Variants in KCNH1 observed in about 807,000 individuals in gnomAD.
The protein encoded by KCNH1 is voltage-gated delayed rectifier potassium channel KCNH1.
A neutral mutation model predicts 69.2 loss-of-function variants in KCNH1; 27 were observed. That is an observed-to-expected ratio of 0.39 (90% CI 0.29 to 0.54). The LOEUF (loss-of-function observed/expected upper bound fraction) is 0.54. Ranked by LOEUF, KCNH1 falls within the 20% of genes least tolerant of loss-of-function variation. KCNH1 has a pLI of 0.68. For missense variants in KCNH1, 798 were observed against 1,261.6 expected (o/e 0.63, Z 5.57); for synonymous variants, 456 against 487.7 (o/e 0.93, Z 0.86).
At chr1:210,942,267 G>T (rs1386208960) in intron 6 of KCNH1, among the ~76,000 whole-genome samples, 1 of 152,144 alleles carries the variant, frequency 6.6e-6, no homozygotes. Flanking sequence ...AGGCCACCAA[G>T]AGGAGTCTCA....
chr1:211,131,225 G>A (rs759293347), intron 1 of KCNH1, among the ~76,000 whole-genome samples: 7 of 151,588 alleles, frequency 4.6e-5, no homozygotes, highest in African/African-American at 9.7e-5. Flanking sequence ...ATGATATTCC[G>A]GGCATCAGAT....
At chr1:210,971,716 A>AT (rs927202810) in intron 6 of KCNH1, among the ~76,000 whole-genome samples, 27 of 132,796 alleles carry the variant, frequency 2.0e-4, no homozygotes, top group African/African-American at 6.9e-4. Context: ...CTAAAAGGAC[A>AT]TTTTTTCCTT....
chr1:210,999,045 C>A (rs185981940), intron 6 of KCNH1, among the ~76,000 whole-genome samples: 3 of 152,234 alleles, frequency 2.0e-5, no homozygotes, highest in Admixed American at 2.0e-4. Context: ...GCACTACATG[C>A]CCACAAGAGA....
intron 6 of KCNH1, among the ~76,000 whole-genome samples, chr1:210,956,809 C>CT (rs1390381784): frequency 4.6e-5 from 7 of 151,884 alleles, no homozygotes; most frequent in Admixed American, 1.3e-4. Flanking sequence ...CTCTTTTCTT[C>CT]TTTATTAGTC....
At chr1:210,737,047 G>A (rs1682897715) in intron 10 of KCNH1, among the ~76,000 whole-genome samples, 1 of 152,180 alleles carries the variant, frequency 6.6e-6, no homozygotes, top group Non-Finnish European at 1.5e-5. Context: ...AAGCAAAGAA[G>A]GAAAGGCAGT....
At chr1:211,049,660 G>C (rs1171799904) in intron 5 of KCNH1, among the ~76,000 whole-genome samples, 1 of 152,190 alleles carries the variant, frequency 6.6e-6, no homozygotes, top group East Asian at 1.9e-4. Flanking sequence ...GCAGTGTGGA[G>C]GAGGGCCTGG....
At chr1:210,969,305 TTCTC>T (rs1238061829) in intron 6 of KCNH1, among the ~76,000 whole-genome samples, 2 of 152,042 alleles carry the variant, frequency 1.3e-5, no homozygotes, top group African/African-American at 2.4e-5. Context: ...TATTCCTTCT[TTCTC>T]TATTACCTGA....
chr1:210,964,991 C>CA (rs1688371152), intron 6 of KCNH1, among the ~76,000 whole-genome samples: 1 of 152,142 alleles, frequency 6.6e-6, no homozygotes, highest in South Asian at 2.1e-4. Flanking sequence ...GAACCAATGA[C>CA]AAAAACCACA....
At chr1:210,876,579 C>T (rs1686379799) in intron 7 of KCNH1, among the ~76,000 whole-genome samples, 1 of 152,132 alleles carries the variant, frequency 6.6e-6, no homozygotes, top group Non-Finnish European at 1.5e-5. Flanking sequence ...ATTTTAAATG[C>T]TCTTCTCCCT....
chr1:210,954,757 T>G (rs1235684330), intron 6 of KCNH1, among the ~76,000 whole-genome samples: 3 of 152,180 alleles, frequency 2.0e-5, no homozygotes, highest in Non-Finnish European at 2.9e-5. Flanking sequence ...GGGTTGTTTT[T>G]TTCTTGTAAC....
At chr1:211,125,170 C>T (rs1691755170) in intron 1 of KCNH1, among the ~76,000 whole-genome samples, 1 of 152,228 alleles carries the variant, frequency 6.6e-6, no homozygotes, top group Non-Finnish European at 1.5e-5. Context: ...TACAACCTCT[C>T]TCTTGCTTCC....
intron 7 of KCNH1, among the ~76,000 whole-genome samples, chr1:210,809,157 G>C (rs1181723233): frequency 6.6e-6 from 1 of 151,854 alleles, no homozygotes; most frequent in Non-Finnish European, 1.5e-5. Flanking sequence ...ATAGCTATAT[G>C]GAATTTGGCT....
chr1:211,087,425 C>G (rs1399664732), intron 4 of KCNH1, among the ~76,000 whole-genome samples: 1 of 152,072 alleles, frequency 6.6e-6, no homozygotes, highest in Non-Finnish European at 1.5e-5. Flanking sequence ...ATTCTATACT[C>G]ATTTGCCCAA....
Position 210,683,220 on chromosome 1 carries a change from G to GGGT in KCNH1, c.*58_*60dup. 1.3e-6 allele frequency: 2 copies of GGGT among 1,494,420 alleles called. No homozygotes were observed. The highest frequency in any genetic ancestry group is 1.8e-6 in the Non-Finnish European group (2 of 1,099,118). 92.6% of individuals were successfully genotyped at this position (1,494,420 alleles called of 1,614,324 possible). A position where few individuals can be genotyped will look rare whatever the true frequency, so the allele number is the denominator to read the frequency against. ...TTGGTCATGTGGACATATGTGGTAG[G>GGGT]GGTGGTGGTGACGGCAGGGTTGGAG... is the stretch of plus-strand genomic sequence containing the variant. On this transcript the variant is annotated 3_prime_UTR_variant, in exon 11 of 11. Coordinates refer to ENST00000271751, the MANE Select transcript of KCNH1 (RefSeq NM_172362.3). The surrounding 1 kb of genome is among the most constrained non-coding windows in gnomAD (Gnocchi z 5.7).
chr1:210,698,205 C>A (rs140227656), intron 10 of KCNH1, among the ~76,000 whole-genome samples: 15 of 152,328 alleles, frequency 9.8e-5, no homozygotes, highest in Admixed American at 9.8e-4. Flanking sequence ...AGCCCACAGA[C>A]TTGAAGCAGA....
In KCNH1 at chr1:211,001,947, G is replaced by A. The variant is rs188431983; in HGVS notation, c.1032+16836C>T. Among the ~76,000 whole-genome samples, 149 of 151,374 alleles carry A rather than the reference G, an allele frequency of 9.8e-4. No individual in the cohort carries two copies. The Middle Eastern group carries it at 0.01, about 10-fold the overall frequency. ...AAACACCACATGTTCTCACTCATAG[G>A]TGGGAATTGAACAATGAGAACACTA... On this transcript the variant is annotated intron_variant, in intron 6 of 10. Transcript: ENST00000271751.
Position 210,919,571 on chromosome 1 carries a change from T to C in KCNH1, c.1462+69A>G, listed in dbSNP as rs2102561163. Reference sequence around the variant, plus strand: ...ATTATTCTCCTGATCCTGCTGGCACTGTAGCCATTTCCCTGTTTCCAGCTA... The same window carrying C: ...ATTATTCTCCTGATCCTGCTGGCACCGTAGCCATTTCCCTGTTTCCAGCTA... On this transcript the variant is annotated intron_variant, in intron 7 of 10. Transcript: ENST00000271751. The surrounding 1 kb of genome is among the most constrained non-coding windows in gnomAD (Gnocchi z 4.2). 1.5e-6 allele frequency: 2 copies of C among 1,373,676 alleles called. No homozygotes were observed. The highest frequency in any genetic ancestry group is 2.0e-6 in the Non-Finnish European group (2 of 979,980). The allele number at this position is 1,373,676 out of a possible 1,614,324, so 85.1% of individuals were successfully genotyped here.
intron 9 of KCNH1, among the ~76,000 whole-genome samples, chr1:210,788,123 GT>G (rs1260865602): frequency 2.0e-5 from 3 of 152,182 alleles, no homozygotes; most frequent in Admixed American, 6.5e-5. Flanking sequence ...TGAGAACATT[GT>G]TTTTTCCCCC....
chr1:210,795,505 A>C (rs1050040124), intron 9 of KCNH1, among the ~76,000 whole-genome samples: 2 of 152,128 alleles, frequency 1.3e-5, no homozygotes, highest in Non-Finnish European at 2.9e-5. Context: ...ATGCTGAAGG[A>C]ATATAAATCA....
Sources: allele counts gnomAD v4.1 joint callset (sites outside exome capture counted in the v4.1 genomes callset), GRCh38; gene constraint gnomAD v4.1.1; non-coding constraint Gnocchi (gnomAD v3.1); transcripts MANE v1.5; gene names NCBI Gene and HGNC (gene_info 2026-07-23, HGNC 2026-07-21).